Variants in FAM107A observed in about 807,000 individuals in gnomAD.
FAM107A encodes the protein family with sequence similarity 107 member A, also known as actin-associated protein FAM107A.
In FAM107A, 19 loss-of-function variants were observed where a neutral mutation model predicts 13.7. That is an observed-to-expected ratio of 1.38 (90% CI 0.97 to 2.03). The LOEUF is 2.03. FAM107A is among the 30% of genes most tolerant of loss of function. The pLI is 0.00. For missense variants in FAM107A, 203 were observed against 184.4 expected, an observed-to-expected ratio of 1.10 and a Z score of -0.58; for synonymous variants, 82 against 74.5, an observed-to-expected ratio of 1.10 and a Z score of -0.52.
chr3:58,607,180 C>G (rs1040026905), intron 1 of FAM107A: 5 of 152,240 alleles, frequency 3.3e-5, no homozygotes, highest in African/African-American at 1.2e-4. Flanking sequence ...TATTCCCTCT[C>G]TGGTTTTTAC....
intron 1 of FAM107A, among the ~76,000 whole-genome samples, chr3:58,595,375 C>T (rs1056287075): frequency 1.3e-4 from 20 of 152,178 alleles, no homozygotes; most frequent in African/African-American, 4.8e-4. Flanking sequence ...GTGAAATTAG[C>T]CAGGTCCTGC....
chr3:58,621,848 T>A (rs1376394769), intron 1 of FAM107A, among the ~76,000 whole-genome samples: 1 of 152,226 alleles, frequency 6.6e-6, no homozygotes, highest in African/African-American at 2.4e-5. Flanking sequence ...GAGTGCTGCC[T>A]GGCTAGGCAC....
rs1479368423 is a variant in FAM107A at position 58,571,730 on chromosome 3, C to T, written c.-5-1865G>A. Among the ~76,000 whole-genome samples the T allele has an allele frequency of 2.0e-5, 3 of 152,174 alleles. No individual in the cohort carries two copies. In the East Asian group the frequency reaches 5.8e-4, roughly 29 times the overall value. On this transcript the variant is annotated intron_variant, in intron 1 of 3. Transcript: ENST00000360997. The stretch of plus-strand genomic sequence containing the variant: ...CCTATTCCTATTGTCAAGTGTCGCC[C>T]ATCCTTTGACTGAGTAATTCTCAGC...
intron 1 of FAM107A, chr3:58,586,826 C>A: frequency 6.6e-7 from 1 of 1,517,404 alleles, no homozygotes; most frequent in Non-Finnish European, 8.8e-7. Flanking sequence ...TCGCCCACTT[C>A]CCGCGGCGAG....
chr3:58,620,773 C>T (rs927325756), intron 1 of FAM107A, among the ~76,000 whole-genome samples: 1 of 152,214 alleles, frequency 6.6e-6, no homozygotes, highest in Non-Finnish European at 1.5e-5. Context: ...CTGTTTGAAG[C>T]AGCCCTGGGC....
chr3:58,579,161 T>C (rs1575444169), upstream of FAM107A, among the ~76,000 whole-genome samples: 1 of 151,938 alleles, frequency 6.6e-6, no homozygotes, highest in East Asian at 1.9e-4. Context: ...TTGTGTGAAG[T>C]CTGTACACAT....
upstream of FAM107A, among the ~76,000 whole-genome samples, chr3:58,578,500 A>G (rs2063748101): frequency 6.6e-6 from 1 of 152,160 alleles, no homozygotes; most frequent in South Asian, 2.1e-4. Context: ...CTTGGGAGGC[A>G]GAGTTTGCAG....
chr3:58,587,066 G>T, exon 1 of FAM107A: 1 of 1,361,958 alleles, frequency 7.3e-7, no homozygotes, highest in Admixed American at 3.7e-5. Context: ...TGAGGGTCAA[G>T]TTACGGCGGC....
At chr3:58,609,729 C>T (rs2065835189) in intron 1 of FAM107A, among the ~76,000 whole-genome samples, 1 of 152,034 alleles carries the variant, frequency 6.6e-6, no homozygotes. Flanking sequence ...GAGGGAAAGT[C>T]ATTTTTTGGG....
At chr3:58,598,377 G>A (rs1051965555) in intron 1 of FAM107A, among the ~76,000 whole-genome samples, 1 of 152,152 alleles carries the variant, frequency 6.6e-6, no homozygotes, top group African/African-American at 2.4e-5. Context: ...TATCAAAGGA[G>A]GCCTCTACAG....
chr3:58,616,963 G>A (rs1408250406), intron 1 of FAM107A, among the ~76,000 whole-genome samples: 2 of 152,144 alleles, frequency 1.3e-5, no homozygotes, highest in South Asian at 2.1e-4. Context: ...TTGTAGAGAC[G>A]GGGTTTCACT....
At chr3:58,627,033 G>T (rs548635582) in intron 1 of FAM107A, 7 of 1,534,442 alleles carry the variant, frequency 4.6e-6, no homozygotes, top group African/African-American at 1.4e-5. Context: ...GGCTGCAGGG[G>T]CCAGGCTGGG....
chr3:58,571,839 T>G (rs1391961825), intron 1 of FAM107A, among the ~76,000 whole-genome samples: 1 of 152,244 alleles, frequency 6.6e-6, no homozygotes, highest in Non-Finnish European at 1.5e-5. Context: ...TCCCCAGCTA[T>G]TCACCTGTTC....
At chr3:58,576,103 A>G (rs1048104728) in intron 1 of FAM107A, among the ~76,000 whole-genome samples, 2 of 152,170 alleles carry the variant, frequency 1.3e-5, no homozygotes, top group Non-Finnish European at 2.9e-5. Flanking sequence ...GAAAGTGCCT[A>G]TTTGTATTTC....
At chr3:58,618,035 G>A (rs2065919698) in intron 1 of FAM107A, among the ~76,000 whole-genome samples, 1 of 152,128 alleles carries the variant, frequency 6.6e-6, no homozygotes, top group African/African-American at 2.4e-5. Context: ...TGGGGACATC[G>A]ATACCTTTGT....
In FAM107A at chr3:58,566,615, T is replaced by C. The variant is rs1391446957; in HGVS notation, c.408A>G (p.Thr136=). ...KVRENLRRIA[T]LTSEEREL is the part of the protein sequence containing the mutation. ...ACAGCTCTCTCTCTTCGCTGGTCAG[T>C]GTGGCAATTCTCCGCAGGTTTTCCC... The change falls in exon 4 of 4, where the codon ACA becomes ACG. Residue 136 remains threonine (T), a synonymous_variant. Coordinates refer to ENST00000360997, the MANE Select transcript of FAM107A (RefSeq NM_001076778.3). The C allele has an allele frequency of 5.0e-6, 8 of 1,613,668 alleles. No homozygotes were observed. Among genetic ancestry groups the C allele is most frequent in the Non-Finnish European group, 6.8e-6 (8 of 1,179,826 alleles).
chr3:58,625,423 G>A (rs958862329), intron 1 of FAM107A, among the ~76,000 whole-genome samples: 1 of 152,128 alleles, frequency 6.6e-6, no homozygotes, highest in Non-Finnish European at 1.5e-5. Context: ...ATCATGGAGC[G>A]GTTCTAGCCA....
chr3:58,587,901 A>G (rs1575447569), upstream of FAM107A, among the ~76,000 whole-genome samples: 1 of 152,334 alleles, frequency 6.6e-6, no homozygotes, highest in East Asian at 1.9e-4. Flanking sequence ...CCTATGAAGC[A>G]GGGTCTATTA....
chr3:58,602,708 T>C (rs1226439968), intron 1 of FAM107A, among the ~76,000 whole-genome samples: 2 of 152,236 alleles, frequency 1.3e-5, no homozygotes, highest in Non-Finnish European at 2.9e-5. Context: ...GGTTACAGGA[T>C]TGGTTATATA....
Sources: allele counts gnomAD v4.1 joint callset (sites outside exome capture counted in the v4.1 genomes callset), GRCh38; gene constraint gnomAD v4.1.1; transcripts MANE v1.5; gene names NCBI Gene and HGNC (gene_info 2026-07-23, HGNC 2026-07-21).